The following CYFIP1 variants were observed in gnomAD, a reference collection of about 807,000 sequenced individuals.
CYFIP1 encodes the protein cytoplasmic FMR1 interacting protein 1.
Under a neutral mutation model 163.5 loss-of-function variants are expected in CYFIP1, and 58 were observed. The ratio of observed to expected loss-of-function variants is 0.35; its 90% CI spans 0.29 to 0.44. CYFIP1 has a LOEUF of 0.44. Ranked by LOEUF, CYFIP1 falls within the 20% of genes least tolerant of loss-of-function variation. CYFIP1 has a pLI of 1.00. For missense variants in CYFIP1, 1,338 were observed against 1,653.8 expected (o/e 0.81, Z 3.31); for synonymous variants, 663 against 660.7 (o/e 1.00, Z -0.05).
At chr15:22,923,097 C>T (rs372893084) in intron 13 of CYFIP1, among the ~76,000 whole-genome samples, 1 of 151,608 alleles carries the variant, frequency 6.6e-6, no homozygotes. Flanking sequence ...GCATAAGCAA[C>T]GAAAGAAAAA....
intron 1 of CYFIP1, among the ~76,000 whole-genome samples, chr15:22,975,338 C>T (rs1017676216): frequency 5.7e-5 from 8 of 139,534 alleles, no homozygotes; most frequent in African/African-American, 1.8e-4. Flanking sequence ...GGCATGGTGG[C>T]GGGTGCCTGT....
intron 1 of CYFIP1, chr15:22,951,255 G>A (rs768878778): frequency 1.4e-5 from 14 of 1,006,964 alleles, no homozygotes; most frequent in Non-Finnish European, 1.7e-5. Flanking sequence ...GCCCCCGACC[G>A]CAGCCGGTCA....
intron 1 of CYFIP1, 125 bp from the exon 2 acceptor site, chr15:22,947,416 CAG>C (rs1567015745): frequency 1.3e-5 from 18 of 1,352,742 alleles, no homozygotes; most frequent in Non-Finnish European, 1.7e-5. Flanking sequence ...ACATGGCTGA[CAG>C]GGGCATGATC....
chr15:22,878,240 TGAA>T (rs1018773846), intron 26 of CYFIP1, among the ~76,000 whole-genome samples: 9 of 152,088 alleles, frequency 5.9e-5, no homozygotes, highest in African/African-American at 2.2e-4. Flanking sequence ...GGGAACATGC[TGAA>T]GAAGAAGGAG....
chr15:22,925,319 G>A (rs1271131887), intron 13 of CYFIP1, among the ~76,000 whole-genome samples: 1 of 152,180 alleles, frequency 6.6e-6, no homozygotes, highest in Non-Finnish European at 1.5e-5. Flanking sequence ...TGACTACAAA[G>A]CTACAGAGTG....
intron 13 of CYFIP1, 46 bp from the exon 14 acceptor site, chr15:22,918,904 C>T (rs984870737): frequency 6.8e-7 from 1 of 1,478,376 alleles, no homozygotes; most frequent in African/African-American, 1.4e-5. Context: ...AGGGATGGCA[C>T]CAAGCCTCCT....
At position 22,956,215 on chromosome 15, in the gene CYFIP1, T is replaced by C. The variant is rs2062447660; in HGVS notation, c.-6-8924A>G. ...GAGTGAGACTCTGTCTCAAAAAAAA[T>C]AAATAAATATGATTTGGTCCTTTTC... On this transcript the variant is annotated intron_variant, in intron 1 of 30. Transcript: ENST00000617928. 3.9e-5 allele frequency among the ~76,000 whole-genome samples: 6 copies of C among 151,954 alleles called. No individual in the cohort carries two copies. The South Asian group carries it at 1.2e-3, about 32-fold the overall frequency.
intron 1 of CYFIP1, among the ~76,000 whole-genome samples, chr15:22,972,108 C>G (rs2063119204): frequency 6.6e-6 from 1 of 152,130 alleles, no homozygotes; most frequent in Non-Finnish European, 1.5e-5. Flanking sequence ...AGCAAAAGAA[C>G]AAGGCTGGAG....
chr15:22,909,628 G>C (rs1022361581), intron 20 of CYFIP1, among the ~76,000 whole-genome samples: 1 of 152,098 alleles, frequency 6.6e-6, no homozygotes, highest in Non-Finnish European at 1.5e-5. Context: ...ATGATTATTC[G>C]TGTATAGAGA....
chr15:22,957,499 G>C (rs150319263), intron 1 of CYFIP1, among the ~76,000 whole-genome samples: 35,388 of 151,858 alleles, frequency 0.23, 4,618 homozygotes, highest in Middle Eastern at 0.35. Flanking sequence ...AGCCAGGCAT[G>C]GTGGCGGGCG....
chr15:22,916,838 C>A (rs564924311), intron 15 of CYFIP1: 2 of 1,554,250 alleles, frequency 1.3e-6, no homozygotes, highest in African/African-American at 2.7e-5. Context: ...CGGAGCAGTT[C>A]GCCTCCGTGC....
At chr15:22,913,025 G>A (rs753817481) in intron 17 of CYFIP1, among the ~76,000 whole-genome samples, 19 of 151,772 alleles carry the variant, frequency 1.3e-4, no homozygotes, top group East Asian at 3.9e-4. Flanking sequence ...GCAAGACCCC[G>A]TCTCCATGAA....
chr15:22,893,277 T>G (rs1239234269), intron 22 of CYFIP1, among the ~76,000 whole-genome samples: 5 of 152,134 alleles, frequency 3.3e-5, no homozygotes. Flanking sequence ...CTGCTGCGCT[T>G]CCAGACACGG....
chr15:22,915,165 C>T (rs2060929465), intron 16 of CYFIP1: 2 of 288,000 alleles, frequency 6.9e-6, no homozygotes, highest in Non-Finnish European at 1.3e-5. Flanking sequence ...CTATCTCACT[C>T]TGTCACCCAG....
intron 23 of CYFIP1, among the ~76,000 whole-genome samples, chr15:22,884,260 ACAAGT>A (rs1688031177): frequency 1.3e-5 from 2 of 152,192 alleles, no homozygotes. Flanking sequence ...CTCATCTGAG[ACAAGT>A]CAAGTCCCTT....
chr15:22,963,773 G>C lies in CYFIP1; in HGVS notation c.-6-16482C>G, dbSNP rs528379971. On this transcript the variant is annotated intron_variant, in intron 1 of 30. Coordinates refer to ENST00000617928, the MANE Select transcript of CYFIP1 (RefSeq NM_014608.6). The stretch of plus-strand genomic sequence containing the variant: ...GCCACAACATGCCCGCGTCTGCCTA[G>C]AGGAAGGTTTTGCCCAGAGTCACGC... Among the ~76,000 whole-genome samples the C allele has an allele frequency of 2.0e-5, 3 of 152,238 alleles. No individual in the cohort carries two copies. The East Asian group carries it at 5.8e-4, about 29-fold the overall frequency.
intron 16 of CYFIP1, among the ~76,000 whole-genome samples, chr15:22,915,721 C>G (rs539292801): frequency 1.3e-5 from 2 of 152,234 alleles, no homozygotes; most frequent in Admixed American, 6.5e-5. Context: ...TGTACTCTAG[C>G]CTGGGTGACA....
intron 1 of CYFIP1, among the ~76,000 whole-genome samples, chr15:22,972,426 G>C (rs772489871): frequency 6.6e-5 from 10 of 152,186 alleles, no homozygotes; most frequent in Non-Finnish European, 1.5e-4. Flanking sequence ...GACAGAGTGA[G>C]ACTCCGTCTC....
intron 23 of CYFIP1, 44 bp from the exon 24 acceptor site, chr15:22,883,055 A>G: frequency 1.3e-6 from 2 of 1,595,528 alleles, no homozygotes; most frequent in Non-Finnish European, 1.7e-6. Flanking sequence ...CCCCGCACAC[A>G]TGTGCAGATG....
Sources: allele counts gnomAD v4.1 joint callset (sites outside exome capture counted in the v4.1 genomes callset), GRCh38; gene constraint gnomAD v4.1.1; transcripts MANE v1.5; gene names NCBI Gene and HGNC (gene_info 2026-07-23, HGNC 2026-07-21).